MDFIC: variants seen among roughly 807,000 people sequenced by gnomAD.
MDFIC encodes MyoD family inhibitor domain containing.
A neutral mutation model predicts 23.2 loss-of-function variants in MDFIC; 17 were observed. The ratio of observed to expected loss-of-function variants is 0.73; its 90% CI spans 0.50 to 1.10. The LOEUF is 1.10. Ranked by LOEUF, MDFIC falls within the 50% of genes least tolerant of loss-of-function variation. MDFIC has a pLI of 0.00. For synonymous variants in MDFIC, 120 were observed against 115.2 expected (o/e 1.04, Z -0.27); for missense variants, 356 against 316.6 (o/e 1.12, Z -0.95).
At chr7:114,937,751 G>A (rs943853193) in intron 2 of MDFIC, among the ~76,000 whole-genome samples, 49 of 152,158 alleles carry the variant, frequency 3.2e-4, no homozygotes, top group African/African-American at 7.5e-4. Context: ...CCAAAGCAAA[G>A]TAGTTCTTCC....
At chr7:114,988,246 G>T (rs1793546750) in intron 4 of MDFIC, among the ~76,000 whole-genome samples, 2 of 152,172 alleles carry the variant, frequency 1.3e-5, no homozygotes, top group Admixed American at 6.6e-5. Flanking sequence ...AGATAGATTG[G>T]CCAGGAAGCT....
chr7:114,999,049 T>C (rs1791405361), intron 4 of MDFIC, among the ~76,000 whole-genome samples: 1 of 152,058 alleles, frequency 6.6e-6, no homozygotes. Context: ...CCCATGTCTC[T>C]TTCTCATCTC....
chr7:114,974,901 G>A (rs1056965902), intron 3 of MDFIC, among the ~76,000 whole-genome samples: 12 of 151,670 alleles, frequency 7.9e-5, no homozygotes, highest in African/African-American at 2.9e-4. Context: ...TTACAATCAT[G>A]CTGTATTGTG....
At chr7:114,987,227 T>G (rs745549495) in intron 4 of MDFIC, among the ~76,000 whole-genome samples, 1 of 152,116 alleles carries the variant, frequency 6.6e-6, no homozygotes, top group Non-Finnish European at 1.5e-5. Flanking sequence ...GAAAAGAAAT[T>G]AGAAAGGTAA....
Position 114,942,724 on chromosome 7 carries a change from A to G in MDFIC, c.217+327A>G, listed in dbSNP as rs1178319556. Among the ~76,000 whole-genome samples the G allele has an allele frequency of 2.0e-5, 3 of 152,302 alleles. No individual in the cohort carries two copies. In the East Asian group the frequency reaches 5.8e-4, roughly 29 times the overall value. ...ATATGTGGATGGAGAAACTAAAAAG[A>G]GGAAGATGGAGCTAAAAGATTAATG... On this transcript the variant is annotated intron_variant, in intron 3 of 4. Coordinates refer to ENST00000393486, the MANE Select transcript of MDFIC (RefSeq NM_001166345.3).
At chr7:114,994,625 A>G (rs1791279856) in intron 4 of MDFIC, among the ~76,000 whole-genome samples, 1 of 152,216 alleles carries the variant, frequency 6.6e-6, no homozygotes, top group Admixed American at 6.5e-5. Flanking sequence ...ATTTGGCTGT[A>G]TATGAAATTC....
chr7:114,957,418 C>A (rs1175613322), intron 3 of MDFIC, among the ~76,000 whole-genome samples: 1 of 152,092 alleles, frequency 6.6e-6, no homozygotes, highest in African/African-American at 2.4e-5. Flanking sequence ...GAAATAATGT[C>A]TCCTTAACTA....
chr7:114,926,545 G>A (rs1052071074), intron 2 of MDFIC, among the ~76,000 whole-genome samples: 6 of 152,112 alleles, frequency 3.9e-5, no homozygotes, highest in African/African-American at 1.2e-4. Context: ...GACGTAGATC[G>A]TTGGACTCTG....
At chr7:114,993,920 C>G (rs1483833187) in intron 4 of MDFIC, among the ~76,000 whole-genome samples, 1 of 152,154 alleles carries the variant, frequency 6.6e-6, no homozygotes, top group South Asian at 2.1e-4. Flanking sequence ...CTTTCTGTCT[C>G]GTTGATCTGT....
intron 2 of MDFIC, among the ~76,000 whole-genome samples, chr7:114,934,262 G>T (rs767665852): frequency 2.0e-5 from 3 of 152,142 alleles, no homozygotes; most frequent in Non-Finnish European, 2.9e-5. Context: ...TGAAAAAGGT[G>T]CAAGAGACTA....
At chr7:114,958,203 A>G (rs764014234) in intron 3 of MDFIC, among the ~76,000 whole-genome samples, 3 of 152,208 alleles carry the variant, frequency 2.0e-5, no homozygotes, top group Non-Finnish European at 4.4e-5. Context: ...CTGTTCTTGC[A>G]GAGCTTAATT....
intron 4 of MDFIC, among the ~76,000 whole-genome samples, chr7:115,002,284 G>A (rs1029673170): frequency 3.3e-5 from 5 of 152,158 alleles, no homozygotes; most frequent in African/African-American, 2.4e-5. Flanking sequence ...TGGATTCTCT[G>A]TCTTTTCAAC....
At chr7:114,981,013 T>C (rs562937423) in intron 4 of MDFIC, among the ~76,000 whole-genome samples, 4 of 152,306 alleles carry the variant, frequency 2.6e-5, no homozygotes, top group African/African-American at 4.8e-5. Context: ...AGGGACTTGA[T>C]TGACACTTTA....
chr7:114,938,208 G>T (rs1585094375), intron 2 of MDFIC, among the ~76,000 whole-genome samples: 1 of 152,086 alleles, frequency 6.6e-6, no homozygotes, highest in African/African-American at 2.4e-5. Context: ...CACCCACCTC[G>T]GCCTTCCCAA....
intron 2 of MDFIC, among the ~76,000 whole-genome samples, chr7:114,936,060 G>T (rs1467789602): frequency 2.6e-5 from 4 of 152,200 alleles, no homozygotes; most frequent in African/African-American, 7.2e-5. Flanking sequence ...TCCACCTTAC[G>T]AGGTAGAGAC....
chr7:114,998,335 A>T (rs1791386421), intron 4 of MDFIC, among the ~76,000 whole-genome samples: 1 of 152,214 alleles, frequency 6.6e-6, no homozygotes, highest in African/African-American at 2.4e-5. Context: ...TCAGATGCTC[A>T]TGTTAAATAA....
intron 2 of MDFIC, among the ~76,000 whole-genome samples, chr7:114,937,754 GT>G (rs1408592593): frequency 1.3e-5 from 2 of 152,144 alleles, no homozygotes; most frequent in African/African-American, 4.8e-5. Context: ...AAGCAAAGTA[GT>G]TCTTCCTCAC....
At chr7:115,009,185 T>G (rs1791629995) in intron 4 of MDFIC, among the ~76,000 whole-genome samples, 1 of 152,214 alleles carries the variant, frequency 6.6e-6, no homozygotes, top group African/African-American at 2.4e-5. Context: ...AGCATCTTAT[T>G]TCATAGGAAA....
intron 3 of MDFIC, among the ~76,000 whole-genome samples, chr7:114,976,706 T>C (rs1285985112): frequency 1.3e-5 from 2 of 152,160 alleles, no homozygotes; most frequent in Non-Finnish European, 2.9e-5. Flanking sequence ...TACATTTAAG[T>C]AAAAAATCCA....
Sources: allele counts gnomAD v4.1 joint callset (sites outside exome capture counted in the v4.1 genomes callset), GRCh38; gene constraint gnomAD v4.1.1; transcripts MANE v1.5; gene names NCBI Gene and HGNC (gene_info 2026-07-23, HGNC 2026-07-21).